The following FAM13A variants were observed in gnomAD, a reference collection of about 807,000 sequenced individuals.
FAM13A encodes the protein family with sequence similarity 13 member A.
In FAM13A, 76 loss-of-function variants were observed where a neutral mutation model predicts 129.6. The observed-to-expected ratio is 0.59, with a 90% CI of 0.49 to 0.71. The LOEUF (loss-of-function observed/expected upper bound fraction) is 0.71, where lower values mean the gene tolerates loss of function less well. Ranked by LOEUF, FAM13A falls within the 30% of genes least tolerant of loss-of-function variation. The pLI, the probability that FAM13A is intolerant of heterozygous loss-of-function variation, is 0.00. For synonymous variants in FAM13A, 443 were observed against 449.9 expected (o/e 0.98, Z 0.20); for missense variants, 1,108 against 1,249.3 (o/e 0.89, Z 1.70).
chr4:88,840,596 T>C (rs780598521), intron 7 of FAM13A, among the ~76,000 whole-genome samples: 1 of 151,952 alleles, frequency 6.6e-6, no homozygotes, highest in Non-Finnish European at 1.5e-5. Context: ...TCCACTGTAA[T>C]GGGAGAGAAG....
intron 6 of FAM13A, among the ~76,000 whole-genome samples, chr4:88,884,761 C>G (rs751296256): frequency 6.0e-4 from 91 of 152,228 alleles, no homozygotes; most frequent in Non-Finnish European, 1.2e-3. Context: ...AAGAGTCCTC[C>G]AAAAAGCTCC....
rs73841658 is a variant in FAM13A at position 88,728,525 on chromosome 4, C to T, written c.*8G>A. ...CAGCTGCCAGCCCCCTGTGCTTGGC[C>T]ATGCCCCTCACATGGACTTGGAATC... On this transcript the variant is annotated 3_prime_UTR_variant, in exon 24 of 24. Coordinates refer to ENST00000264344, the MANE Select transcript of FAM13A (RefSeq NM_014883.4). 1.7e-3 allele frequency: 2,778 copies of T among 1,614,078 alleles called. 42 individuals are homozygous for T. The African/African-American group carries it at 0.033, about 19-fold the overall frequency.
intron 5 of FAM13A, among the ~76,000 whole-genome samples, chr4:88,928,901 T>C (rs1579326182): frequency 6.6e-6 from 1 of 151,986 alleles, no homozygotes; most frequent in Non-Finnish European, 1.5e-5. Context: ...TCTAATTTTG[T>C]CTTTGTGGTT....
At position 88,798,780 on chromosome 4, in the gene FAM13A, T is replaced by C. The variant is rs570895517; in HGVS notation, c.1049+6231A>G. ...AGTACTGTATCAGGCAAAGGCAGTC[T>C]GCTACCTGTTTAAACTAGAGGCTTA... On this transcript the variant is annotated intron_variant, in intron 8 of 23. Coordinates refer to ENST00000264344, the MANE Select transcript of FAM13A (RefSeq NM_014883.4). Among the ~76,000 whole-genome samples, 6 of 152,312 alleles carry C rather than the reference T, an allele frequency of 3.9e-5. No individual in the cohort carries two copies. In the East Asian group the frequency reaches 1.2e-3, roughly 29 times the overall value.
At position 88,758,897 on chromosome 4, in the gene FAM13A, G is replaced by C; in HGVS notation, c.1583C>G (p.Pro528Arg). The change falls in exon 14 of 24, where the codon CCC becomes CGC. Residue 528 changes from proline to arginine, a missense_variant. Physicochemically the swap from Pro to Arg is moderately radical, Grantham distance 103 (BLOSUM62 -2). Coordinates refer to ENST00000264344, the MANE Select transcript of FAM13A (RefSeq NM_014883.4). ...DGGHTQHFES[P>R]TMKIQEHPSL... ...GGGATGCTCCTGGATCTTCATTGTG[G>C]GGCTCTGCAATAACAGCACAATGTC... 6 of 1,613,398 alleles carry C rather than the reference G, an allele frequency of 3.7e-6. No homozygotes were observed. Among genetic ancestry groups the C allele is most frequent in the Non-Finnish European group, 5.1e-6 (6 of 1,179,658 alleles).
chr4:88,933,379 C>T (rs572604986), intron 5 of FAM13A, among the ~76,000 whole-genome samples: 5 of 152,230 alleles, frequency 3.3e-5, no homozygotes, highest in African/African-American at 1.2e-4. Flanking sequence ...ATCTGCCACC[C>T]TTCTGGGTAA....
intron 1 of FAM13A, among the ~76,000 whole-genome samples, chr4:89,046,557 A>T (rs1166268144): frequency 6.6e-6 from 1 of 152,220 alleles, no homozygotes; most frequent in Non-Finnish European, 1.5e-5. Flanking sequence ...TTTTTAAAAA[A>T]AGAAAAGAGT....
chr4:89,031,965 A>G (rs1768736151), intron 1 of FAM13A, among the ~76,000 whole-genome samples: 4 of 152,168 alleles, frequency 2.6e-5, no homozygotes, highest in Admixed American at 2.6e-4. Flanking sequence ...CACACCTGTA[A>G]TCCCAGCACT....
At chr4:88,902,033 T>C (rs1009070365) in intron 6 of FAM13A, among the ~76,000 whole-genome samples, 3 of 152,034 alleles carry the variant, frequency 2.0e-5, no homozygotes, top group African/African-American at 7.2e-5. Flanking sequence ...CCTGGACACA[T>C]ACACCCTCCC....
chr4:88,874,464 G>A (rs1742014833), intron 6 of FAM13A, among the ~76,000 whole-genome samples: 1 of 152,102 alleles, frequency 6.6e-6, no homozygotes, highest in African/African-American at 2.4e-5. Flanking sequence ...AAATCAATGT[G>A]CAAAAATCAC....
intron 5 of FAM13A, among the ~76,000 whole-genome samples, chr4:88,910,334 A>G (rs1748889605): frequency 6.6e-6 from 1 of 152,148 alleles, no homozygotes; most frequent in African/African-American, 2.4e-5. Flanking sequence ...AAAATACAAT[A>G]AGGAAGGAAA....
chr4:88,948,105 A>G (rs1019021653), intron 4 of FAM13A, among the ~76,000 whole-genome samples: 39 of 152,142 alleles, frequency 2.6e-4, no homozygotes, highest in African/African-American at 8.7e-4. Context: ...GGCTCCTAAT[A>G]TAAGATCAAC....
At position 88,805,647 on chromosome 4, in the gene FAM13A, A is replaced by G. The variant is rs565320667; in HGVS notation, c.1008-595T>C. On this transcript the variant is annotated intron_variant, in intron 7 of 23. Coordinates refer to ENST00000264344, the MANE Select transcript of FAM13A (RefSeq NM_014883.4). The stretch of plus-strand genomic sequence containing the variant: ...GTTCCTCAAACAACACAGACAAAAT[A>G]TGAAGCTTAATACATTGAAAGTTAA... Among the ~76,000 whole-genome samples, 7 of 150,288 alleles carry G rather than the reference A, an allele frequency of 4.7e-5. No individual in the cohort carries two copies. In the South Asian group the frequency reaches 1.5e-3, roughly 32 times the overall value.
chr4:88,906,527 A>T, intron 5 of FAM13A, 65 bp from the exon 6 acceptor site: 1 of 1,092,592 alleles, frequency 9.2e-7, no homozygotes. Flanking sequence ...AAAAATTACA[A>T]GGTAGTGAAA....
At chr4:88,884,711 G>A (rs891966728) in intron 6 of FAM13A, among the ~76,000 whole-genome samples, 6 of 152,024 alleles carry the variant, frequency 3.9e-5, no homozygotes, top group African/African-American at 1.4e-4. Flanking sequence ...TCAAACTGTC[G>A]CTGTTTGCTG....
chr4:89,046,996 T>C (rs1770939610), intron 1 of FAM13A, among the ~76,000 whole-genome samples: 1 of 152,202 alleles, frequency 6.6e-6, no homozygotes, highest in Non-Finnish European at 1.5e-5. Context: ...CTCAAATTTC[T>C]GGAAGGCAAT....
intron 5 of FAM13A, among the ~76,000 whole-genome samples, chr4:88,921,327 A>G (rs1239442505): frequency 1.3e-5 from 2 of 152,234 alleles, no homozygotes; most frequent in Non-Finnish European, 2.9e-5. Context: ...CACAAAGGGA[A>G]GCCTATCAGA....
intron 3 of FAM13A, among the ~76,000 whole-genome samples, chr4:89,005,644 A>G (rs910071458): frequency 3.3e-5 from 5 of 152,118 alleles, no homozygotes; most frequent in African/African-American, 1.2e-4. Context: ...TGTGGTTCCA[A>G]TTTGTATTTC....
At chr4:89,032,288 TA>T (rs11293507) in intron 1 of FAM13A, among the ~76,000 whole-genome samples, 91,101 of 151,734 alleles carry the variant, frequency 0.6, 28,007 homozygotes, top group Middle Eastern at 0.69. Flanking sequence ...TGAGTCTACC[TA>T]TAACTGTTTA....
Sources: allele counts gnomAD v4.1 joint callset (sites outside exome capture counted in the v4.1 genomes callset), GRCh38; gene constraint gnomAD v4.1.1; transcripts MANE v1.5; gene names NCBI Gene and HGNC (gene_info 2026-07-23, HGNC 2026-07-21).